Variants in ENOSF1 observed in about 807,000 individuals in gnomAD.
ENOSF1 encodes mitochondrial enolase superfamily member 1.
ENOSF1 carries 73 observed loss-of-function variants against 68.2 expected under a neutral mutation model. The ratio of observed to expected loss-of-function variants is 1.07; its 90% CI spans 0.89 to 1.30. ENOSF1 has a LOEUF of 1.30. ENOSF1 is among the 50% of genes most tolerant of loss of function. The pLI is 0.00. For synonymous variants in ENOSF1, 223 were observed against 210.4 expected (o/e 1.06, Z -0.52); for missense variants, 589 against 554.5 (o/e 1.06, Z -0.62).
intron 15 of ENOSF1, among the ~76,000 whole-genome samples, chr18:674,808 C>T (rs1353733667): frequency 6.6e-6 from 1 of 152,234 alleles, no homozygotes; most frequent in Non-Finnish European, 1.5e-5. Context: ...GCGTAAGCCA[C>T]CATGCCCAGC....
Position 692,814 on chromosome 18 carries a change from C to G in ENOSF1, c.423+1068G>C, listed in dbSNP as rs991627959. The G allele has an allele frequency of 2.3e-5, 24 of 1,041,282 alleles. No homozygotes were observed. In the African/African-American group the frequency reaches 3.6e-4, roughly 15 times the overall value. 64.5% of individuals were successfully genotyped at this position (1,041,282 alleles called of 1,614,324 possible). A position where few individuals can be genotyped will look rare whatever the true frequency, so the allele number is the denominator to read the frequency against. Reference sequence around the variant, plus strand: ...TCAAGAGCTCTGTGTCCTTCCCCTACGGATGGCCCGGAAGCCACTCTCCAT... The same window carrying G: ...TCAAGAGCTCTGTGTCCTTCCCCTAGGGATGGCCCGGAAGCCACTCTCCAT... On this transcript the variant is annotated intron_variant, in intron 5 of 15. Transcript: ENST00000647584.
chr18:674,547 C>A, intron 15 of ENOSF1, 141 bp from the exon 16 acceptor site: 1 of 543,128 alleles, frequency 1.8e-6, no homozygotes, highest in Non-Finnish European at 3.2e-6. Context: ...GACATGGAGT[C>A]ACTGTCCGTT....
chr18:696,202 CT>C (rs1480668385), intron 3 of ENOSF1, among the ~76,000 whole-genome samples: 1 of 126,658 alleles, frequency 7.9e-6, no homozygotes, highest in Admixed American at 8.5e-5. Context: ...TTACATCTCT[CT>C]CTTTTTTTTT....
chr18:694,425 G>T (rs2077512065), intron 3 of ENOSF1, 91 bp from the exon 4 acceptor site: 1 of 1,171,322 alleles, frequency 8.5e-7, no homozygotes, highest in Non-Finnish European at 1.2e-6. Flanking sequence ...AGGACTTTGG[G>T]ACCAAGACCA....
chr18:670,565 C>A lies in ENOSF1; in HGVS notation c.*3740G>T. 2.1e-6 allele frequency: 2 copies of A among 973,814 alleles called. No individual in the cohort carries two copies. The highest frequency in any genetic ancestry group is 3.1e-6 in the Non-Finnish European group (2 of 651,004). The allele number at this position is 973,814 out of a possible 1,614,324, so 60.3% of individuals were successfully genotyped here. A position where few individuals can be genotyped will look rare whatever the true frequency, so the allele number is the denominator to read the frequency against. ...GAGGCTGTTATGGACATCACTGCAG[C>A]CCAGTGGCTCTCTCTCCTGGTCTCC... is the stretch of plus-strand genomic sequence containing the variant. On this transcript the variant is annotated 3_prime_UTR_variant, in exon 16 of 16. Transcript: ENST00000647584.
downstream of ENOSF1, chr18:669,443 G>T: frequency 3.3e-6 from 1 of 306,342 alleles, no homozygotes; most frequent in Non-Finnish European, 6.1e-6. Flanking sequence ...CGTGATCTTG[G>T]CTCACTGTAA....
intron 3 of ENOSF1, 72 bp downstream of exon 3, chr18:697,168 G>A: frequency 8.1e-6 from 8 of 983,720 alleles, no homozygotes; most frequent in South Asian, 5.2e-5. Context: ...TTTCACATTC[G>A]TTGCACTCAA....
In ENOSF1 at chr18:694,441, G is replaced by A. The variant is rs2077514553; in HGVS notation, c.310-107C>T. ...GGACTTTGGGACCAAGACCAGCCTG[G>A]CCAACATGGTGAAACCCCGTCTCTA... On this transcript the variant is annotated intron_variant, in intron 3 of 15. Coordinates refer to ENST00000647584, the MANE Select transcript of ENOSF1 (RefSeq NM_017512.7). 5 of 981,548 alleles carry A rather than the reference G, an allele frequency of 5.1e-6. No individual in the cohort carries two copies. The South Asian group carries it at 7.6e-5, about 15-fold the overall frequency. 60.8% of individuals were successfully genotyped at this position (981,548 alleles called of 1,614,324 possible).
rs2075017705 is a variant in ENOSF1 at position 670,997 on chromosome 18, T to A, written c.*3308A>T. 2 of 1,105,186 alleles carry A rather than the reference T, an allele frequency of 1.8e-6. No individual in the cohort carries two copies. Among genetic ancestry groups the A allele is most frequent in the South Asian group, 3.3e-5 (2 of 61,422 alleles). 68.5% of individuals were successfully genotyped at this position (1,105,186 alleles called of 1,614,324 possible). A position where few individuals can be genotyped will look rare whatever the true frequency, so the allele number is the denominator to read the frequency against. ...AAATTTGATATGTGTAAGTAAGAAATGAACCAGCTTTTACTTTGAAACCTT... is the reference window on the plus strand; with the variant it reads ...AAATTTGATATGTGTAAGTAAGAAAAGAACCAGCTTTTACTTTGAAACCTT... On this transcript the variant is annotated 3_prime_UTR_variant, in exon 16 of 16. Coordinates refer to ENST00000647584, the MANE Select transcript of ENOSF1 (RefSeq NM_017512.7).
At chr18:680,649 G>A (rs2075980439) in intron 11 of ENOSF1, among the ~76,000 whole-genome samples, 1 of 147,508 alleles carries the variant, frequency 6.8e-6, no homozygotes, top group Non-Finnish European at 1.5e-5. Context: ...CACATTATCT[G>A]TGCTTCAGCT....
In ENOSF1 at chr18:690,589, G is replaced by A. The variant is rs780093389; in HGVS notation, c.578C>T (p.Ser193Leu). 20 of 1,613,862 alleles carry A rather than the reference G, an allele frequency of 1.2e-5. No individual in the cohort carries two copies. The highest frequency in any genetic ancestry group is 2.7e-5 in the African/African-American group (2 of 74,896). ...ATCTGAGTACCCCAGCCAGGCGCAC[G>A]ATGTCGTGTAAGCAGGGTATCCTTG... is the stretch of plus-strand genomic sequence containing the variant. ...LAQGYPAYTT[S>L]CAWLGYSDDT... The change falls in exon 8 of 16, where the codon TCG (serine) becomes TTG (leucine). Residue 193 changes from serine (S) to leucine (L), a missense_variant. Coordinates refer to ENST00000647584, the MANE Select transcript of ENOSF1 (RefSeq NM_017512.7).
chr18:668,880 G>A (rs2074918107), downstream of ENOSF1, among the ~76,000 whole-genome samples: 1 of 152,088 alleles, frequency 6.6e-6, no homozygotes, highest in Admixed American at 6.5e-5. Context: ...AGAGGACAGA[G>A]CCAGGAGTCA....
At chr18:683,895 A>G (rs1319856131) in intron 10 of ENOSF1, among the ~76,000 whole-genome samples, 1 of 151,732 alleles carries the variant, frequency 6.6e-6, no homozygotes, top group Non-Finnish European at 1.5e-5. Flanking sequence ...CACTTTATGG[A>G]TTTTGTTCCA....
chr18:697,647 A>C (rs2077884258), intron 2 of ENOSF1, among the ~76,000 whole-genome samples: 1 of 152,256 alleles, frequency 6.6e-6, no homozygotes, highest in African/African-American at 2.4e-5. Flanking sequence ...GCTACTCAGG[A>C]GGCTGAGGCA....
In ENOSF1 at chr18:672,961, T is replaced by A. The variant is rs776689763; in HGVS notation, c.*1344A>T. The A allele has an allele frequency of 6.3e-7, 1 of 1,584,030 alleles. No individual in the cohort carries two copies. Among genetic ancestry groups the A allele is most frequent in the South Asian group, 1.1e-5 (1 of 87,822 alleles). ...AAGACTTTCAGATTGAAGGGTACAATCCGCATCCAACTATTAAAATGGAAA... is the reference window on the plus strand; with the variant it reads ...AAGACTTTCAGATTGAAGGGTACAAACCGCATCCAACTATTAAAATGGAAA... On this transcript the variant is annotated 3_prime_UTR_variant, in exon 16 of 16. Transcript: ENST00000647584.
chr18:667,394 A>T (rs376855135), downstream of ENOSF1, among the ~76,000 whole-genome samples: 36 of 5,976 alleles, frequency 6.0e-3, 3 homozygotes, highest in Non-Finnish European at 7.4e-3. Flanking sequence ...ATGGTGATGG[A>T]GATGGTGATG....
rs2076579923 is a variant in ENOSF1, at chr18:685,983, G to C, written c.679C>G (p.Leu227Val). The change falls in exon 10 of 16, where the codon CTC (leucine) becomes GTC (valine). Residue 227 changes from leucine to valine, a missense_variant. By Grantham distance (32) the Leu-to-Val change is conservative. Transcript: ENST00000647584. ...TRFKVKVGAD[L>V]QDDMRRCQII... The stretch of plus-strand genomic sequence containing the variant: ...TGGCATCTTCGCATGTCATCCTGGA[G>C]ATCAGCACCCACCTTTACTTTAAAC... 6.2e-7 allele frequency: 1 copy of C among 1,613,974 alleles called. No homozygotes were observed. Among genetic ancestry groups the C allele is most frequent in the African/African-American group, 1.3e-5 (1 of 74,930 alleles).
chr18:704,995 G>A (rs1262426311), intron 2 of ENOSF1, among the ~76,000 whole-genome samples: 1 of 152,148 alleles, frequency 6.6e-6, no homozygotes, highest in Non-Finnish European at 1.5e-5. Context: ...ACAACTGACC[G>A]CCAGCCCTGT....
At chr18:708,347 G>A (rs931098193) in intron 1 of ENOSF1, among the ~76,000 whole-genome samples, 2 of 152,068 alleles carry the variant, frequency 1.3e-5, no homozygotes, top group East Asian at 1.9e-4. Flanking sequence ...TTACAGATAC[G>A]TCTGCCCTTG....
Sources: gnomAD v4.1 joint callset for allele counts (sites outside exome capture counted in the v4.1 genomes callset) on GRCh38, gnomAD v4.1.1 for gene constraint, MANE v1.5 for transcripts, NCBI Gene and HGNC (gene_info 2026-07-23, HGNC 2026-07-21) for gene names.